NR6A1: variants seen among roughly 807,000 people sequenced by gnomAD.
The protein encoded by NR6A1 is nuclear receptor subfamily 6 group A member 1.
In NR6A1, 7 loss-of-function variants were observed where a neutral mutation model predicts 59.1. That is an observed-to-expected ratio of 0.12 (90% CI 0.07 to 0.22). The LOEUF (loss-of-function observed/expected upper bound fraction) is 0.22. Among genes scored for constraint, NR6A1 ranks in the 10% least tolerant of loss-of-function variants. NR6A1 has a pLI of 1.00. For synonymous variants in NR6A1, 243 were observed against 236.1 expected (o/e 1.03, Z -0.27); for missense variants, 468 against 611.6 (o/e 0.77, Z 2.48).
At chr9:124,530,634 A>G (rs1833075107) in intron 7 of NR6A1, among the ~76,000 whole-genome samples, 1 of 152,218 alleles carries the variant, frequency 6.6e-6, no homozygotes, top group African/African-American at 2.4e-5. Flanking sequence ...GTTATGTCCC[A>G]TTAAGGGGGC....
At chr9:124,553,415 T>C (rs1588661169) in intron 3 of NR6A1, among the ~76,000 whole-genome samples, 1 of 152,188 alleles carries the variant, frequency 6.6e-6, no homozygotes, top group East Asian at 1.9e-4. Flanking sequence ...ATAACCAACT[T>C]CCTTGGTGGA....
At chr9:124,687,284 C>CTGAT (rs1838364349) in intron 2 of NR6A1, among the ~76,000 whole-genome samples, 1 of 135,980 alleles carries the variant, frequency 7.4e-6, no homozygotes, top group East Asian at 2.0e-4. Flanking sequence ...CCACAGCCAG[C>CTGAT]TAATTAATTA....
intron 2 of NR6A1, among the ~76,000 whole-genome samples, chr9:124,710,929 G>A (rs1339391008): frequency 6.6e-6 from 1 of 152,066 alleles, no homozygotes; most frequent in Non-Finnish European, 1.5e-5. Context: ...TCATTTTCAA[G>A]TTAGTTTGAT....
At chr9:124,633,819 G>A (rs927816345) in intron 2 of NR6A1, among the ~76,000 whole-genome samples, 1 of 152,226 alleles carries the variant, frequency 6.6e-6, no homozygotes, top group African/African-American at 2.4e-5. Flanking sequence ...CCAAATCTGA[G>A]CAATGAGATT....
intron 4 of NR6A1, among the ~76,000 whole-genome samples, chr9:124,542,759 T>C (rs1270623352): frequency 6.6e-6 from 1 of 152,244 alleles, no homozygotes; most frequent in Admixed American, 6.5e-5. Flanking sequence ...TGTCTTGCTA[T>C]GTCGCCCAGG....
intron 2 of NR6A1, among the ~76,000 whole-genome samples, chr9:124,586,521 C>T (rs1463466063): frequency 1.3e-5 from 2 of 151,956 alleles, no homozygotes; most frequent in African/African-American, 4.8e-5. Context: ...TCACAGCTCA[C>T]TGTAGCCTCC....
intron 2 of NR6A1, among the ~76,000 whole-genome samples, chr9:124,697,676 TAA>T (rs35472562): frequency 2.2e-5 from 3 of 135,020 alleles, no homozygotes; most frequent in African/African-American, 2.7e-5. Context: ...AGGTAGGATT[TAA>T]AAAAAAAAAA....
intron 1 of NR6A1, among the ~76,000 whole-genome samples, chr9:124,736,747 G>A (rs1312530173): frequency 1.3e-5 from 2 of 152,110 alleles, no homozygotes; most frequent in African/African-American, 2.4e-5. Context: ...TTGGGAGGCT[G>A]AGGTAGAGAT....
chr9:124,589,306 C>G (rs915991704), intron 2 of NR6A1, among the ~76,000 whole-genome samples: 1 of 150,896 alleles, frequency 6.6e-6, no homozygotes, highest in Non-Finnish European at 1.5e-5. Context: ...ATTAGCCGGG[C>G]GCGGTGGCGG....
intron 1 of NR6A1, among the ~76,000 whole-genome samples, chr9:124,753,578 T>C (rs1840562453): frequency 6.6e-6 from 1 of 152,232 alleles, no homozygotes; most frequent in African/African-American, 2.4e-5. Flanking sequence ...AGTTTACTCA[T>C]CTATAATAAG....
chr9:124,646,541 A>C (rs1010813318), intron 2 of NR6A1, among the ~76,000 whole-genome samples: 1 of 152,228 alleles, frequency 6.6e-6, no homozygotes, highest in African/African-American at 2.4e-5. Flanking sequence ...CTATGTCCAC[A>C]AATTTGATAA....
At chr9:124,556,994 C>A (rs1231458158) in intron 2 of NR6A1, among the ~76,000 whole-genome samples, 1 of 151,804 alleles carries the variant, frequency 6.6e-6, no homozygotes, top group African/African-American at 2.4e-5. Context: ...TGGAGAACGA[C>A]AGATATGGAA....
At chr9:124,703,377 GTT>G (rs891247037) in intron 2 of NR6A1, among the ~76,000 whole-genome samples, 3 of 145,574 alleles carry the variant, frequency 2.1e-5, no homozygotes, top group African/African-American at 7.6e-5. Context: ...CATGTCCAGG[GTT>G]TTTTTTTTCT....
At chr9:124,531,258 G>C (rs1588641009) in intron 7 of NR6A1, among the ~76,000 whole-genome samples, 2 of 152,236 alleles carry the variant, frequency 1.3e-5, no homozygotes, top group East Asian at 3.8e-4. Flanking sequence ...CCTGAGAGGA[G>C]TCTTGATTAG....
intron 2 of NR6A1, among the ~76,000 whole-genome samples, chr9:124,703,340 G>A (rs1016806657): frequency 3.3e-5 from 5 of 149,350 alleles, no homozygotes; most frequent in Non-Finnish European, 5.9e-5. Context: ...GACCTCCTAA[G>A]TAGCAAGGAC....
intron 1 of NR6A1, among the ~76,000 whole-genome samples, chr9:124,753,089 A>G (rs1840550715): frequency 6.6e-6 from 1 of 152,230 alleles, no homozygotes; most frequent in South Asian, 2.1e-4. Context: ...TGTTTCCCAA[A>G]GCAAGGAAAC....
intron 2 of NR6A1, among the ~76,000 whole-genome samples, chr9:124,689,911 T>C (rs144080325): frequency 2.0e-5 from 3 of 152,328 alleles, no homozygotes; most frequent in African/African-American, 7.2e-5. Flanking sequence ...TATTTACGTG[T>C]AGCTCCCTAG....
intron 2 of NR6A1, among the ~76,000 whole-genome samples, chr9:124,617,828 A>G (rs1458900420): frequency 1.3e-5 from 2 of 152,178 alleles, no homozygotes; most frequent in Non-Finnish European, 2.9e-5. Flanking sequence ...TACCTGCAAG[A>G]TAACTGGGAT....
Position 124,661,007 on chromosome 9 carries a change from T to C in NR6A1, c.142+72301A>G, listed in dbSNP as rs187809792. On this transcript the variant is annotated intron_variant, in intron 2 of 9. Transcript: ENST00000487099. ...TACATCAAAACTCGAGGGACATTAA[T>C]TTCTCTCCAAAATATCACATAAAAT... 2.2e-3 allele frequency among the ~76,000 whole-genome samples: 339 copies of C among 152,328 alleles called. 2 individuals carry two copies. Among genetic ancestry groups the C allele is most frequent in the Admixed American group, 8.6e-3 (132 of 15,300 alleles).
Sources: gnomAD v4.1 joint callset for allele counts (sites outside exome capture counted in the v4.1 genomes callset) on GRCh38, gnomAD v4.1.1 for gene constraint, MANE v1.5 for transcripts, NCBI Gene and HGNC (gene_info 2026-07-23, HGNC 2026-07-21) for gene names.